MUC5AC: variants seen among roughly 807,000 people sequenced by gnomAD.
MUC5AC encodes the protein mucin-5AC.
A neutral mutation model predicts 169.7 loss-of-function variants in MUC5AC; 158 were observed. The ratio of observed to expected loss-of-function variants is 0.93; its 90% CI spans 0.82 to 1.06. The LOEUF (loss-of-function observed/expected upper bound fraction) is 1.06. Ranked by LOEUF, MUC5AC falls within the 50% of genes least tolerant of loss-of-function variation. The probability of loss-of-function intolerance (pLI) is 0.00; values close to 1 mark genes in which losing one functional copy is unlikely to be tolerated. For missense variants in MUC5AC, 4,359 were observed against 3,089.9 expected, an observed-to-expected ratio of 1.41 and a Z score of -9.74; for synonymous variants, 1,975 against 1,237.0, an observed-to-expected ratio of 1.60 and a Z score of -12.52.
At chr11:1,196,278 C>G (rs1275348142) in intron 37 of MUC5AC, 110 bp from the exon 38 acceptor site, 17 of 704,988 alleles carry the variant, frequency 2.4e-5, no homozygotes, top group Non-Finnish European at 4.4e-5. Context: ...CAGGCCCAGG[C>G]CCACAGGTGG....
At chr11:1,160,502 C>A (rs1359249696) in intron 1 of MUC5AC, 110 bp from the exon 2 acceptor site, 4 of 877,206 alleles carry the variant, frequency 4.6e-6, no homozygotes, top group South Asian at 3.0e-5. Flanking sequence ...GGGCCACCCC[C>A]ACGCACTGTG....
At chr11:1,176,866 G>C (rs1045818653) in intron 21 of MUC5AC, 62 bp from the exon 22 acceptor site, 1 of 398,600 alleles carries the variant, frequency 2.5e-6, no homozygotes, top group South Asian at 1.3e-4. Flanking sequence ...GGGTAGGAAG[G>C]CTGCACCCAG....
In MUC5AC at chr11:1,197,632, C is replaced by T. The variant is rs762274432; in HGVS notation, c.16026C>T (p.Tyr5342=). ...AGGCCGGCCAGTGCTGCCCCCAGTA[C>T]AGCTGCGGTAAGCCCTTTGCTGGGT... ...APQAGQCCPQ[Y]SCACNTSRCP... The change falls in exon 41 of 49, where the codon TAC becomes TAT. Residue 5342 remains tyrosine, a synonymous_variant. Transcript: ENST00000621226. 2.1e-5 allele frequency: 15 copies of T among 715,176 alleles called. No individual in the cohort carries two copies. The highest frequency in any genetic ancestry group is 3.6e-5 in the Non-Finnish European group (14 of 391,284). 44.3% of individuals were successfully genotyped at this position (715,176 alleles called of 1,614,324 possible). A position where few individuals can be genotyped will look rare whatever the true frequency, so the allele number is the denominator to read the frequency against.
chr11:1,181,633 C>T (rs1280097582), intron 30 of MUC5AC, among the ~76,000 whole-genome samples, 174 bp downstream of exon 30: 1 of 152,174 alleles, frequency 6.6e-6, no homozygotes, highest in South Asian at 2.1e-4. Flanking sequence ...GCTGTTTCCC[C>T]ACCAGCCACC....
rs1473001483 is a variant in MUC5AC, at chr11:1,189,952, G to T, written c.11807G>T (p.Ser3936Ile). Residue 3936 changes from serine to isoleucine, a missense_variant, in exon 31 of 49, where the codon AGC (serine) becomes ATC (isoleucine). Ser to Ile is a moderately radical substitution (Grantham distance 142). Coordinates refer to ENST00000621226, the MANE Select transcript of MUC5AC (RefSeq NM_001304359.2). ...GCCTCTGTTTCAAAGACCAGCACAA[G>T]CCATGTTTCTGTATCCAAGACAACC... ...STASVSKTST[S>I]HVSVSKTTHS... 6.8e-6 allele frequency: 5 copies of T among 735,544 alleles called. No individual in the cohort carries two copies. In the South Asian group the frequency reaches 6.8e-5, roughly 10 times the overall value. The allele number at this position is 735,544 out of a possible 1,614,324, so 45.6% of individuals were successfully genotyped here. A position where few individuals can be genotyped will look rare whatever the true frequency, so the allele number is the denominator to read the frequency against.
At position 1,188,658 on chromosome 11, in the gene MUC5AC, G is replaced by A. The variant is rs1242531612; in HGVS notation, c.10513G>A (p.Val3505Ile). 2.6e-6 allele frequency: 2 copies of A among 764,916 alleles called. No homozygotes were observed. Among genetic ancestry groups the A allele is most frequent in the African/African-American group, 3.4e-5 (2 of 59,126 alleles). 47.4% of individuals were successfully genotyped at this position (764,916 alleles called of 1,614,324 possible). The part of the protein sequence containing the change: ...ASVSKTSTSH[V>I]SVSKTTHSQP... ...TGTTTCAAAGACCAGCACAAGCCATGTTTCTGTATCCAAGACAACCCACTC... is the reference window on the plus strand; with the variant it reads ...TGTTTCAAAGACCAGCACAAGCCATATTTCTGTATCCAAGACAACCCACTC... Residue 3505 changes from valine to isoleucine, a missense_variant, in exon 31 of 49, where the codon GTT becomes ATT. Physicochemically the swap from Val to Ile is conservative, Grantham distance 29. Transcript: ENST00000621226.
chr11:1,176,920 TC>T lies in MUC5AC; in HGVS notation c.2655-3del, dbSNP rs1418934047. On this transcript the variant is annotated splice_polypyrimidine_tract_variant and splice_region_variant and intron_variant, in intron 21 of 48. Transcript: ENST00000621226. ...TGTGCTCTAGCCTGACCCCCAGATGTCCCCCAGCACCTGTGACAGCAGGATG... is the reference window on the plus strand; with the variant it reads ...TGTGCTCTAGCCTGACCCCCAGATGTCCCCAGCACCTGTGACAGCAGGATG... 1,244 of 398,620 alleles carry T rather than the reference TC, an allele frequency of 3.1e-3. 31 individuals carry two copies. In the East Asian group the frequency reaches 0.043, roughly 14 times the overall value. 24.7% of individuals were successfully genotyped at this position (398,620 alleles called of 1,614,324 possible).
intron 16 of MUC5AC, among the ~76,000 whole-genome samples, chr11:1,173,620 T>C (rs1860607119): frequency 6.7e-6 from 1 of 149,558 alleles, no homozygotes; most frequent in Non-Finnish European, 1.5e-5. Flanking sequence ...CATCCACTCA[T>C]TACTCATCCA....
chr11:1,180,935 G>T (rs941050589), intron 28 of MUC5AC, among the ~76,000 whole-genome samples: 18 of 152,184 alleles, frequency 1.2e-4, no homozygotes, highest in African/African-American at 4.3e-4. Context: ...ACGAGGGAGG[G>T]ACCTTGGGCT....
At chr11:1,165,483 C>T (rs905401905) in intron 10 of MUC5AC, 64 bp downstream of exon 10, 28 of 1,585,446 alleles carry the variant, frequency 1.8e-5, no homozygotes, top group South Asian at 2.3e-5. Context: ...CTGGGGGTTG[C>T]AACCCAGGCC....
chr11:1,167,916 C>T lies in MUC5AC; in HGVS notation c.1426C>T (p.Arg476Cys), dbSNP rs1158680549. The change falls in exon 12 of 49, where the codon CGC (arginine) becomes TGC (cysteine). Residue 476 changes from arginine (R) to cysteine (C), a missense_variant. By Grantham distance (180) the Arg-to-Cys change is radical. Coordinates refer to ENST00000621226, the MANE Select transcript of MUC5AC (RefSeq NM_001304359.2). ...SSAFTVLAEL[R>C]RCGLTDSETC... ...TGCCTTCACTGTACTGGCTGAGCTG[C>T]GCAGGTGCGGGCTGACGGACAGCGA... 20 of 1,550,496 alleles carry T rather than the reference C, an allele frequency of 1.3e-5. No individual in the cohort carries two copies. Among genetic ancestry groups the T allele is most frequent in the Middle Eastern group, 1.7e-4 (1 of 6,012 alleles).
rs1132435 is a variant in MUC5AC at position 1,199,697 on chromosome 11, C to T, written c.16518C>T (p.Asp5506=). ...KACPPLSCSL[D]EARMSKDGCC... is the part of the protein sequence containing the mutation. ...AGGGCGCCCCTCTGTCGGCACAGGA[C>T]GAGGCCCGCATGAGCAAGGACGGCT... The change falls in exon 47 of 49, where the codon GAC becomes GAT. Residue 5506 remains aspartate (D), a splice_region_variant and synonymous_variant. Coordinates refer to ENST00000621226, the MANE Select transcript of MUC5AC (RefSeq NM_001304359.2). 0.071 allele frequency: 50,356 copies of T among 708,326 alleles called. 2,219 individuals carry two copies. Among genetic ancestry groups the T allele is most frequent in the Non-Finnish European group, 0.091 (35,489 of 388,390 alleles). The allele number at this position is 708,326 out of a possible 1,614,324, so 43.9% of individuals were successfully genotyped here.
At chr11:1,165,490 G>T in intron 10 of MUC5AC, 71 bp downstream of exon 10, 11 of 1,582,768 alleles carry the variant, frequency 6.9e-6, no homozygotes, top group Non-Finnish European at 9.5e-6. Context: ...TTGCAACCCA[G>T]GCCGGCAGGC....
chr11:1,199,050 C>T (rs758880769), intron 44 of MUC5AC, 37 bp from the exon 45 acceptor site: 10 of 762,824 alleles, frequency 1.3e-5, no homozygotes, highest in Middle Eastern at 2.2e-4. Flanking sequence ...GGGCAGCGGT[C>T]GCCTGGATTC....
In MUC5AC at chr11:1,182,236, C is replaced by A. The variant is rs1860832018; in HGVS notation, c.4091C>A (p.Ala1364Glu). ...CCGAGCAGCGCCTGGCCCACCACAG[C>A]AGGCACTTCTCCCAGGACGAGGCTG... Reference protein sequence around the residue: ...GPPSSAWPTTAGTSPRTRLPT... With the variant: ...GPPSSAWPTTEGTSPRTRLPT... The change falls in exon 31 of 49, where the codon GCA (alanine) becomes GAA (glutamate). Residue 1364 changes from alanine (A) to glutamate (E), a missense_variant. Transcript: ENST00000621226. The A allele has an allele frequency of 2.5e-6, 1 of 398,664 alleles. No homozygotes were observed. Among genetic ancestry groups the A allele is most frequent in the South Asian group, 1.3e-4 (1 of 7,862 alleles). The allele number at this position is 398,664 out of a possible 1,614,324, so 24.7% of individuals were successfully genotyped here.
chr11:1,197,834 C>G, intron 41 of MUC5AC, 69 bp from the exon 42 acceptor site: 1 of 676,348 alleles, frequency 1.5e-6, no homozygotes, highest in Non-Finnish European at 2.7e-6. Context: ...ATCCTAGAGA[C>G]CCCAGGGGGT....
Position 1,162,081 on chromosome 11 carries a change from C to T in MUC5AC, c.386C>T (p.Ala129Val), listed in dbSNP as rs372561443. 34 of 1,612,442 alleles carry T rather than the reference C, an allele frequency of 2.1e-5. No individual in the cohort carries two copies. The highest frequency in any genetic ancestry group is 9.3e-5 in the African/African-American group (7 of 75,046). ...NIQLRRSQES[A>V]APTLSRVLMK... ...CAGCTACGCCGCAGCCAGGAGTCAG[C>T]GGCCCCCACGCTGAGCAGGGTCCTC... The change falls in exon 4 of 49, where the codon GCG (alanine) becomes GTG (valine). Residue 129 changes from alanine to valine, a missense_variant. Coordinates refer to ENST00000621226, the MANE Select transcript of MUC5AC (RefSeq NM_001304359.2).
At chr11:1,199,033 TC>T in intron 44 of MUC5AC, 37 bp downstream of exon 44, 1 of 762,974 alleles carries the variant, frequency 1.3e-6, no homozygotes, top group South Asian at 1.3e-5. Context: ...CTGCCCTGGC[TC>T]TTGGGGGGCA....
Position 1,199,109 on chromosome 11 carries a change from GC to G in MUC5AC, c.16320del (p.Ser5440ArgfsTer39). ...CAGGGCTTCGAGTACCAGGAGCAGA[GC>G]GGGCAGTGCTGTGGCACCTGTGTGC... ...CPVGFEYQEQ[S>X]GQCCGTCVQV... On this transcript the variant is annotated frameshift_variant, in exon 45 of 49. Transcript: ENST00000621226. LOFTEE classifies it high-confidence loss of function. 1 of 764,772 alleles carries G rather than the reference GC, an allele frequency of 1.3e-6. No homozygotes were observed. Among genetic ancestry groups the G allele is most frequent in the Non-Finnish European group, 2.4e-6 (1 of 417,770 alleles). The allele number at this position is 764,772 out of a possible 1,614,324, so 47.4% of individuals were successfully genotyped here.
Sources: allele counts gnomAD v4.1 joint callset (sites outside exome capture counted in the v4.1 genomes callset), GRCh38; gene constraint gnomAD v4.1.1; transcripts MANE v1.5; gene names NCBI Gene and HGNC (gene_info 2026-07-23, HGNC 2026-07-21).